CPPED1: variants seen among roughly 807,000 people sequenced by gnomAD.
CPPED1 encodes serine/threonine-protein phosphatase CPPED1.
CPPED1 carries 28 observed loss-of-function variants against 28.0 expected under a neutral mutation model. The observed-to-expected ratio is 1.00, with a 90% CI of 0.74 to 1.37. The LOEUF is 1.37. Ranked by LOEUF, CPPED1 falls within the 40% of genes most tolerant of loss-of-function variation. The pLI, the probability that CPPED1 is intolerant of heterozygous loss-of-function variation, is 0.00. For missense variants in CPPED1, 504 were observed against 416.5 expected, an observed-to-expected ratio of 1.21 and a Z score of -1.83; for synonymous variants, 198 against 180.2, an observed-to-expected ratio of 1.10 and a Z score of -0.79.
At chr16:12,685,330 A>T (rs138481778) in intron 3 of CPPED1, among the ~76,000 whole-genome samples, 2,220 of 152,244 alleles carry the variant, frequency 0.015, 49 homozygotes, top group African/African-American at 0.05. Context: ...GCCACCTGTA[A>T]TCCCAGCTAC....
chr16:12,681,169 G>GC (rs1168524516), intron 3 of CPPED1, among the ~76,000 whole-genome samples: 1 of 135,798 alleles, frequency 7.4e-6, no homozygotes, highest in African/African-American at 2.9e-5. Flanking sequence ...ATTTCAATGT[G>GC]CCCCCCAACG....
chr16:12,782,801 G>T (rs2080540336), intron 1 of CPPED1, among the ~76,000 whole-genome samples: 1 of 151,986 alleles, frequency 6.6e-6, no homozygotes, highest in East Asian at 1.9e-4. Context: ...AACCCGGAAG[G>T]CGGAGGTTGC....
intron 2 of CPPED1, among the ~76,000 whole-genome samples, chr16:12,718,985 G>C (rs1431649083): frequency 6.6e-6 from 1 of 152,024 alleles, no homozygotes; most frequent in Admixed American, 6.5e-5. Context: ...CGGGCTAATA[G>C]TTTCATGTGG....
At chr16:12,784,172 T>C (rs2080548929) in intron 1 of CPPED1, among the ~76,000 whole-genome samples, 2 of 152,194 alleles carry the variant, frequency 1.3e-5, no homozygotes. Flanking sequence ...AAAACTGTCA[T>C]GTTGTGAATA....
intron 3 of CPPED1, among the ~76,000 whole-genome samples, chr16:12,694,786 T>A (rs927185241): frequency 6.6e-6 from 1 of 151,328 alleles, no homozygotes; most frequent in Non-Finnish European, 1.5e-5. Flanking sequence ...CCCCCCCCTT[T>A]TTTTTTTTGA....
At chr16:12,729,627 C>G (rs1001297294) in intron 2 of CPPED1, among the ~76,000 whole-genome samples, 15 of 152,160 alleles carry the variant, frequency 9.9e-5, no homozygotes. Context: ...GCAGAAATGA[C>G]TCAGAGGAAA....
chr16:12,791,846 G>A (rs1317277649), intron 1 of CPPED1, among the ~76,000 whole-genome samples: 1 of 152,162 alleles, frequency 6.6e-6, no homozygotes, highest in African/African-American at 2.4e-5. Flanking sequence ...CACGTGGCAG[G>A]CATCAGTCAA....
rs2079849118 is a variant in CPPED1 at position 12,670,783 on chromosome 16, G to A, written c.716-5668C>T. Among the ~76,000 whole-genome samples the A allele has an allele frequency of 6.6e-6, 1 of 152,132 alleles. No individual in the cohort carries two copies. Among genetic ancestry groups the A allele is most frequent in the Non-Finnish European group, 1.5e-5 (1 of 68,008 alleles). ...AGTGAGAAACTATCACAGCCAAGAGGAACCGAAGCACATACGATGACTAAA... is the reference window on the plus strand; with the variant it reads ...AGTGAGAAACTATCACAGCCAAGAGAAACCGAAGCACATACGATGACTAAA... On this transcript the variant is annotated intron_variant, in intron 3 of 3. Transcript: ENST00000381774. This position sits in a 1 kb window ranked among gnomAD's most constrained non-coding sequence, Gnocchi z 4.2.
rs554954603 is a variant in CPPED1 at position 12,660,751 on chromosome 16, A to G, written c.*4135T>C. On this transcript the variant is annotated 3_prime_UTR_variant, in exon 4 of 4. Transcript: ENST00000381774. ...AATCTTCTTTTTCCTCCAGCTCAAT[A>G]TAATATTGCTACCTAATATTGTGAC... is the stretch of plus-strand genomic sequence containing the variant. The G allele has an allele frequency of 6.6e-6, 1 of 152,324 alleles. No individual in the cohort carries two copies. The highest frequency in any genetic ancestry group is 1.5e-5 in the Non-Finnish European group (1 of 68,034). 9.4% of individuals were successfully genotyped at this position (152,324 alleles called of 1,614,324 possible).
chr16:12,745,041 G>T (rs2080278322), intron 2 of CPPED1, among the ~76,000 whole-genome samples: 1 of 151,950 alleles, frequency 6.6e-6, no homozygotes, highest in Non-Finnish European at 1.5e-5. Context: ...AAAGATCAAT[G>T]AACTTAAAGG....
Position 12,664,952 on chromosome 16 carries a change from G to A in CPPED1, c.879C>T (p.Tyr293=), listed in dbSNP as rs375153155. Reference sequence around the variant, plus strand: ...CTTTCTCACTCAGCTCATCTAGACTGTAGTATCGGTGAACAATTTTCTCGG... The same window carrying A: ...CTTTCTCACTCAGCTCATCTAGACTATAGTATCGGTGAACAATTTTCTCGG... The part of the protein sequence containing the change: ...VTAEKIVHRY[Y]SLDELSEKGI... Residue 293 remains tyrosine, a synonymous_variant, in exon 4 of 4, where the codon TAC becomes TAT. Coordinates refer to ENST00000381774, the MANE Select transcript of CPPED1 (RefSeq NM_018340.3). This position sits in a 1 kb window ranked among gnomAD's most constrained non-coding sequence, Gnocchi z 4.2. 2.1e-4 allele frequency: 333 copies of A among 1,611,146 alleles called. No homozygotes were observed. Among genetic ancestry groups the A allele is most frequent in the Non-Finnish European group, 2.7e-4 (314 of 1,179,062 alleles).
chr16:12,725,681 T>C (rs2080166236), intron 2 of CPPED1, among the ~76,000 whole-genome samples: 1 of 152,030 alleles, frequency 6.6e-6, no homozygotes, highest in Non-Finnish European at 1.5e-5. Flanking sequence ...CGGGGGGAAG[T>C]GTGGAGACCT....
chr16:12,660,590 T>C lies in CPPED1; in HGVS notation c.*4296A>G, dbSNP rs1471255089. ...ATGGCTTGAGAATATTTTATGAAGT[T>C]ATAAAAATCAGTATTACCTGTCAAG... On this transcript the variant is annotated 3_prime_UTR_variant, in exon 4 of 4. Transcript: ENST00000381774. 4 of 151,964 alleles carry C rather than the reference T, an allele frequency of 2.6e-5. No individual in the cohort carries two copies. The highest frequency in any genetic ancestry group is 5.9e-5 in the Non-Finnish European group (4 of 68,026). 9.4% of individuals were successfully genotyped at this position (151,964 alleles called of 1,614,324 possible).
intron 1 of CPPED1, among the ~76,000 whole-genome samples, chr16:12,794,324 T>G (rs2080613893): frequency 6.6e-6 from 1 of 152,136 alleles, no homozygotes; most frequent in African/African-American, 2.4e-5. Context: ...TGTACACATT[T>G]ACACTGTTGA....
chr16:12,734,057 C>T (rs868026986), intron 2 of CPPED1, among the ~76,000 whole-genome samples: 4 of 102,990 alleles, frequency 3.9e-5, no homozygotes, highest in South Asian at 3.1e-4. Context: ...TCAAATTACA[C>T]GTTTTTTTTT....
At chr16:12,693,181 C>T (rs1391263056) in intron 3 of CPPED1, among the ~76,000 whole-genome samples, 1 of 152,190 alleles carries the variant, frequency 6.6e-6, no homozygotes, top group Non-Finnish European at 1.5e-5. Context: ...AGGACAATGT[C>T]TGGCACCCAG....
chr16:12,710,724 G>A (rs935225934), intron 2 of CPPED1, among the ~76,000 whole-genome samples: 2 of 152,032 alleles, frequency 1.3e-5, no homozygotes, highest in Non-Finnish European at 1.5e-5. Flanking sequence ...GGCCAATAAG[G>A]ACATTAAAAA....
chr16:12,802,246 T>C (rs1318890769), intron 1 of CPPED1, among the ~76,000 whole-genome samples: 3 of 152,136 alleles, frequency 2.0e-5, no homozygotes, highest in Non-Finnish European at 4.4e-5. Context: ...CAATGGAATG[T>C]TGCCCAGCAA....
At chr16:12,669,662 C>T (rs1420841802) in intron 3 of CPPED1, among the ~76,000 whole-genome samples, 1 of 152,170 alleles carries the variant, frequency 6.6e-6, no homozygotes, top group African/African-American at 2.4e-5. Flanking sequence ...AGTACATAGA[C>T]ATTCGTTTCC....
Sources: gnomAD v4.1 joint callset for allele counts (sites outside exome capture counted in the v4.1 genomes callset) on GRCh38, gnomAD v4.1.1 for gene constraint, Gnocchi (gnomAD v3.1) non-coding constraint, MANE v1.5 for transcripts, NCBI Gene and HGNC (gene_info 2026-07-23, HGNC 2026-07-21) for gene names.